The following NEUROD2 variants were observed in gnomAD, a reference collection of about 807,000 sequenced individuals.
NEUROD2 encodes neurogenic differentiation factor 2.
In NEUROD2, 5 loss-of-function variants were observed where a neutral mutation model predicts 9.3. That is an observed-to-expected ratio of 0.54 (90% confidence interval 0.28 to 1.13). NEUROD2 has a LOEUF of 1.13. NEUROD2 is among the 50% of genes most tolerant of loss of function. NEUROD2 has a pLI of 0.10. For missense variants in NEUROD2, 376 were observed against 549.2 expected (o/e 0.68, Z 3.15); for synonymous variants, 277 against 257.3 (o/e 1.08, Z -0.73).
chr17:39,606,468 G>A lies in NEUROD2; in HGVS notation c.132C>T (p.Pro44=), dbSNP rs776964598. 7 of 1,533,310 alleles carry A rather than the reference G, an allele frequency of 4.6e-6. No homozygotes were observed. The highest frequency in any genetic ancestry group is 1.2e-5 in the South Asian group (1 of 83,458). The allele number at this position is 1,533,310 out of a possible 1,614,324, so 95.0% of individuals were successfully genotyped here. Residue 44 remains proline, a synonymous_variant, in exon 2 of 2, where the codon CCC becomes CCT. Transcript: ENST00000302584. This position sits in a 1 kb window ranked among gnomAD's most constrained non-coding sequence, Gnocchi z 7.8. ...GDAPPPPPPA[P]GPGAPGPARA... The stretch of plus-strand genomic sequence containing the variant: ...GGGCTGGCCCCGGAGCCCCTGGCCC[G>A]GGCGCAGGCGGTGGCGGTGGCGGCG...
chr17:39,605,447 A>C lies in NEUROD2; in HGVS notation c.*4T>G, dbSNP rs763861049. On this transcript the variant is annotated 3_prime_UTR_variant, in exon 2 of 2. Transcript: ENST00000302584. This position sits in a 1 kb window ranked among gnomAD's most constrained non-coding sequence, Gnocchi z 6.8. ...AAGAAAAAGAAGGGAGCCGGCGCGAAGTCTCAGTTATGAAAAAACGCATTG... is the reference window on the plus strand; with the variant it reads ...AAGAAAAAGAAGGGAGCCGGCGCGACGTCTCAGTTATGAAAAAACGCATTG... 12 of 1,565,410 alleles carry C rather than the reference A, an allele frequency of 7.7e-6. No individual in the cohort carries two copies. The East Asian group carries it at 2.8e-4, about 37-fold the overall frequency.
Position 39,606,596 on chromosome 17 carries a change from G to A in NEUROD2, c.4C>T (p.Leu2=). The A allele has an allele frequency of 6.4e-7, 1 of 1,566,062 alleles. No homozygotes were observed. The stretch of plus-strand genomic sequence containing the variant: ...CCGGGCTCGCTGAACAGGCGGGTCA[G>A]CATGGTGCCTGAGGGCGCCCCGCGG... M[L]TRLFSEPGLL... is the part of the protein sequence containing the mutation. Residue 2 remains leucine (L), a synonymous_variant, in exon 2 of 2, where the codon CTG becomes TTG. Transcript: ENST00000302584. This position sits in a 1 kb window ranked among gnomAD's most constrained non-coding sequence, Gnocchi z 7.8.
rs1428384239 is a variant in NEUROD2, at chr17:39,606,357, T to TC, written c.242dup (p.Glu82ArgfsTer301). On this transcript the variant is annotated frameshift_variant, in exon 2 of 2. Coordinates refer to ENST00000302584, the MANE Select transcript of NEUROD2 (RefSeq NM_006160.4). LOFTEE classifies it high-confidence loss of function. The surrounding 1 kb of genome is among the most constrained non-coding windows in gnomAD (Gnocchi z 7.8). ...CCTCCTCCTCTTCCTCCTCCTCCTC[T>TC]CCCCCCAGCTCGCCTTCCTCCTTGA... 6.4e-7 allele frequency: 1 copy of TC among 1,570,046 alleles called. No homozygotes were observed.
intron 1 of NEUROD2, chr17:39,607,514 C>T (rs2056774421): frequency 1.7e-5 from 12 of 705,988 alleles, no homozygotes; most frequent in African/African-American, 1.9e-5. Flanking sequence ...TGCCTTCCCC[C>T]CCCACCGAGC....
Position 39,604,845 on chromosome 17 carries a change from A to T in NEUROD2, c.*606T>A, listed in dbSNP as rs2056760530. 7.8e-6 allele frequency: 1 copy of T among 128,470 alleles called. No homozygotes were observed. Among genetic ancestry groups the T allele is most frequent in the Admixed American group, 9.7e-5 (1 of 10,350 alleles). 8.0% of individuals were successfully genotyped at this position (128,470 alleles called of 1,614,324 possible). A position where few individuals can be genotyped will look rare whatever the true frequency, so the allele number is the denominator to read the frequency against. On this transcript the variant is annotated 3_prime_UTR_variant, in exon 2 of 2. Coordinates refer to ENST00000302584, the MANE Select transcript of NEUROD2 (RefSeq NM_006160.4). ...GAAAAGGGAAAAACGGATTCTAGTTACAAATTGTCTTGGCCTCTCTCTTTC... is the reference window on the plus strand; with the variant it reads ...GAAAAGGGAAAAACGGATTCTAGTTTCAAATTGTCTTGGCCTCTCTCTTTC...
rs2056771499 is a variant in NEUROD2, at chr17:39,606,890, G to C, written c.-5-286C>G. 1 of 406,756 alleles carries C rather than the reference G, an allele frequency of 2.5e-6. No homozygotes were observed. Among genetic ancestry groups the C allele is most frequent in the Non-Finnish European group, 4.4e-6 (1 of 229,722 alleles). 25.2% of individuals were successfully genotyped at this position (406,756 alleles called of 1,614,324 possible). ...GCTCCCCGCGCCTGCTTCTTCTCAG[G>C]GTCAGGGCAGGGACCGGGTGGGGGT... On this transcript the variant is annotated intron_variant, in intron 1 of 1. Coordinates refer to ENST00000302584, the MANE Select transcript of NEUROD2 (RefSeq NM_006160.4). This position sits in a 1 kb window ranked among gnomAD's most constrained non-coding sequence, Gnocchi z 7.8.
Position 39,606,617 on chromosome 17 carries a change from C to T in NEUROD2, c.-5-13G>A, listed in dbSNP as rs545873059. 6.5e-7 allele frequency: 1 copy of T among 1,533,146 alleles called. No homozygotes were observed. The highest frequency in any genetic ancestry group is 1.4e-5 in the African/African-American group (1 of 70,194). The allele number at this position is 1,533,146 out of a possible 1,614,324, so 95.0% of individuals were successfully genotyped here. ...GTCAGCATGGTGCCTGAGGGCGCCC[C>T]GCGGGCGGGAAGGGGAGACAGACAG... is the stretch of plus-strand genomic sequence containing the variant. On this transcript the variant is annotated splice_polypyrimidine_tract_variant and intron_variant, in intron 1 of 1. Coordinates refer to ENST00000302584, the MANE Select transcript of NEUROD2 (RefSeq NM_006160.4). This position sits in a 1 kb window ranked among gnomAD's most constrained non-coding sequence, Gnocchi z 7.8.
chr17:39,605,694 C>A lies in NEUROD2; in HGVS notation c.906G>T (p.Pro302=). ...SSEYEGPLSP[P]LCLNGNFSLK... is the part of the protein sequence containing the mutation. ...GTGAGAAGTTGCCATTGAGACAGAGCGGGGGGCTGAGCGGGCCCTCGTACT... is the reference window on the plus strand; with the variant it reads ...GTGAGAAGTTGCCATTGAGACAGAGAGGGGGGCTGAGCGGGCCCTCGTACT... The change falls in exon 2 of 2, where the codon CCG becomes CCT. Residue 302 remains proline (P), a synonymous_variant. Transcript: ENST00000302584. The surrounding 1 kb of genome is among the most constrained non-coding windows in gnomAD (Gnocchi z 6.8). 1.2e-6 allele frequency: 2 copies of A among 1,606,632 alleles called. No homozygotes were observed. Among genetic ancestry groups the A allele is most frequent in the South Asian group, 1.1e-5 (1 of 89,972 alleles).
Position 39,605,419 on chromosome 17 carries a change from C to CAAAAGA in NEUROD2, c.*26_*31dup. 6.6e-7 allele frequency: 1 copy of CAAAAGA among 1,512,432 alleles called. No homozygotes were observed. Among genetic ancestry groups the CAAAAGA allele is most frequent in the East Asian group, 2.4e-5 (1 of 41,022 alleles). 93.7% of individuals were successfully genotyped at this position (1,512,432 alleles called of 1,614,324 possible). A position where few individuals can be genotyped will look rare whatever the true frequency, so the allele number is the denominator to read the frequency against. On this transcript the variant is annotated 3_prime_UTR_variant, in exon 2 of 2. Transcript: ENST00000302584. The surrounding 1 kb of genome is among the most constrained non-coding windows in gnomAD (Gnocchi z 6.8). The stretch of plus-strand genomic sequence containing the variant: ...CTGGGGACAGGGGGGCGGGCAAAGG[C>CAAAAGA]AAAAGAAAAAGAAGGGAGCCGGCGC...
rs764646721 is a variant in NEUROD2 at position 39,605,426 on chromosome 17, AAAAG to A, written c.*21_*24del. 1.3e-6 allele frequency: 2 copies of A among 1,527,294 alleles called. No homozygotes were observed. Among genetic ancestry groups the A allele is most frequent in the East Asian group, 2.4e-5 (1 of 41,542 alleles). 94.6% of individuals were successfully genotyped at this position (1,527,294 alleles called of 1,614,324 possible). A position where few individuals can be genotyped will look rare whatever the true frequency, so the allele number is the denominator to read the frequency against. On this transcript the variant is annotated 3_prime_UTR_variant, in exon 2 of 2. Transcript: ENST00000302584. This position sits in a 1 kb window ranked among gnomAD's most constrained non-coding sequence, Gnocchi z 6.8. The stretch of plus-strand genomic sequence containing the variant: ...CAGGGGGGCGGGCAAAGGCAAAAGA[AAAAG>A]AAGGGAGCCGGCGCGAAGTCTCAGT...
chr17:39,605,263 G>A lies in NEUROD2; in HGVS notation c.*188C>T. ...GAGAGAGAAGGCGAGTCCCCTGGGGGAAGCGAGGCCCCTGGGACAGGCCAC... is the reference window on the plus strand; with the variant it reads ...GAGAGAGAAGGCGAGTCCCCTGGGGAAAGCGAGGCCCCTGGGACAGGCCAC... On this transcript the variant is annotated 3_prime_UTR_variant, in exon 2 of 2. Coordinates refer to ENST00000302584, the MANE Select transcript of NEUROD2 (RefSeq NM_006160.4). The surrounding 1 kb of genome is among the most constrained non-coding windows in gnomAD (Gnocchi z 6.8). 3.0e-6 allele frequency: 2 copies of A among 656,788 alleles called. No homozygotes were observed. Among genetic ancestry groups the A allele is most frequent in the Non-Finnish European group, 4.9e-6 (2 of 408,608 alleles). 40.7% of individuals were successfully genotyped at this position (656,788 alleles called of 1,614,324 possible). A position where few individuals can be genotyped will look rare whatever the true frequency, so the allele number is the denominator to read the frequency against.
At position 39,604,346 on chromosome 17, in the gene NEUROD2, G is replaced by A. The variant is rs182956042; in HGVS notation, c.*1105C>T. 2.0e-5 allele frequency: 3 copies of A among 152,686 alleles called. No homozygotes were observed. The highest frequency in any genetic ancestry group is 7.2e-5 in the African/African-American group (3 of 41,424). The allele number at this position is 152,686 out of a possible 1,614,324, so 9.5% of individuals were successfully genotyped here. ...CCCCAAACCGACCCCCCAACAGTTT[G>A]CCATTCCATACAAATTTGGAAACAG... On this transcript the variant is annotated 3_prime_UTR_variant, in exon 2 of 2. Coordinates refer to ENST00000302584, the MANE Select transcript of NEUROD2 (RefSeq NM_006160.4).
In NEUROD2 at chr17:39,605,491, C is replaced by A. The variant is rs779298309; in HGVS notation, c.1109G>T (p.Gly370Val). 3.7e-6 allele frequency: 6 copies of A among 1,607,838 alleles called. No homozygotes were observed. The highest frequency in any genetic ancestry group is 5.1e-6 in the Non-Finnish European group (6 of 1,176,678). The stretch of plus-strand genomic sequence containing the variant: ...CGCATTGAGCTCCTCGTACATGGGG[C>A]CCCGGTCGTGGTGAAGGTGCATATC... ...SYDMHLHHDRGPMYEELNAFF... is the reference protein window; with the variant it reads ...SYDMHLHHDRVPMYEELNAFF... The change falls in exon 2 of 2, where the codon GGC (glycine) becomes GTC (valine). Residue 370 changes from glycine to valine, a missense_variant. By Grantham distance (109) the Gly-to-Val change is moderately radical. This residue lies in a region of NEUROD2 where 193 missense variants were observed against 255.8 expected (regional missense o/e 0.75). Coordinates refer to ENST00000302584, the MANE Select transcript of NEUROD2 (RefSeq NM_006160.4). The surrounding 1 kb of genome is among the most constrained non-coding windows in gnomAD (Gnocchi z 6.8).
Position 39,605,898 on chromosome 17 carries a change from G to C in NEUROD2, c.702C>G (p.Phe234Leu). 5 of 1,604,592 alleles carry C rather than the reference G, an allele frequency of 3.1e-6. No individual in the cohort carries two copies. Among genetic ancestry groups the C allele is most frequent in the Non-Finnish European group, 4.2e-6 (5 of 1,177,016 alleles). The change falls in exon 2 of 2, where the codon TTC (phenylalanine) becomes TTG (leucine). Residue 234 changes from phenylalanine to leucine, a missense_variant. Coordinates refer to ENST00000302584, the MANE Select transcript of NEUROD2 (RefSeq NM_006160.4). The surrounding 1 kb of genome is among the most constrained non-coding windows in gnomAD (Gnocchi z 6.8). ...ACGGGTACGGGTAGGGGTGCATGGC[G>C]AACGGGCCGCCCGAGCCGTGGAAGC... ...AGRFHGSGGP[F>L]AMHPYPYPCS...
In NEUROD2 at chr17:39,605,676, G is replaced by A. The variant is rs2056764807; in HGVS notation, c.924C>T (p.Asn308=). The A allele has an allele frequency of 6.2e-7, 1 of 1,611,824 alleles. No homozygotes were observed. ...GCGAGGAGTCCTGCTTGAGTGAGAA[G>A]TTGCCATTGAGACAGAGCGGGGGGC... ...PLSPPLCLNG[N]FSLKQDSSPD... Residue 308 remains asparagine (N), a synonymous_variant, in exon 2 of 2, where the codon AAC becomes AAT. Coordinates refer to ENST00000302584, the MANE Select transcript of NEUROD2 (RefSeq NM_006160.4). The surrounding 1 kb of genome is among the most constrained non-coding windows in gnomAD (Gnocchi z 6.8).
In NEUROD2 at chr17:39,605,915, C is replaced by A; in HGVS notation, c.685G>T (p.Gly229Cys). The A allele has an allele frequency of 6.2e-7, 1 of 1,609,066 alleles. No homozygotes were observed. Among genetic ancestry groups the A allele is most frequent in the Non-Finnish European group, 8.5e-7 (1 of 1,178,486 alleles). Residue 229 changes from glycine (G) to cysteine (C), a missense_variant, in exon 2 of 2, where the codon GGC becomes TGC. By Grantham distance (159) the Gly-to-Cys change is radical. Transcript: ENST00000302584. The surrounding 1 kb of genome is among the most constrained non-coding windows in gnomAD (Gnocchi z 6.8). ...TGCATGGCGAACGGGCCGCCCGAGCCGTGGAAGCGGCCGGCACCGTCGGCG... is the reference window on the plus strand; with the variant it reads ...TGCATGGCGAACGGGCCGCCCGAGCAGTGGAAGCGGCCGGCACCGTCGGCG... ...QGADGAGRFH[G>C]SGGPFAMHPY...
chr17:39,606,472 G>A lies in NEUROD2; in HGVS notation c.128C>T (p.Ala43Val), dbSNP rs145445629. The change falls in exon 2 of 2, where the codon GCG (alanine) becomes GTG (valine). Residue 43 changes from alanine to valine, a missense_variant. Ala to Val is a moderately conservative substitution (Grantham distance 64, BLOSUM62 0). Coordinates refer to ENST00000302584, the MANE Select transcript of NEUROD2 (RefSeq NM_006160.4). This position sits in a 1 kb window ranked among gnomAD's most constrained non-coding sequence, Gnocchi z 7.8. ...TGGCCCCGGAGCCCCTGGCCCGGGCGCAGGCGGTGGCGGTGGCGGCGCGTC... is the reference window on the plus strand; with the variant it reads ...TGGCCCCGGAGCCCCTGGCCCGGGCACAGGCGGTGGCGGTGGCGGCGCGTC... ...KGDAPPPPPP[A>V]PGPGAPGPAR... 116 of 1,534,156 alleles carry A rather than the reference G, an allele frequency of 7.6e-5. No homozygotes were observed. The East Asian group carries it at 2.6e-3, about 34-fold the overall frequency.
rs1437707880 is a variant in NEUROD2, at chr17:39,606,042, C to T, written c.558G>A (p.Val186=). 2 of 1,613,990 alleles carry T rather than the reference C, an allele frequency of 1.2e-6. No individual in the cohort carries two copies. Among genetic ancestry groups the T allele is most frequent in the East Asian group, 2.2e-5 (1 of 44,874 alleles). The change falls in exon 2 of 2, where the codon GTG becomes GTA. Residue 186 remains valine, a synonymous_variant. Coordinates refer to ENST00000302584, the MANE Select transcript of NEUROD2 (RefSeq NM_006160.4). This position sits in a 1 kb window ranked among gnomAD's most constrained non-coding sequence, Gnocchi z 7.8. ...CCTTGCACAGAGTCTGCACGTAGGACACTAGGTCTGGCCGCTTGCCGGAGC... is the reference window on the plus strand; with the variant it reads ...CCTTGCACAGAGTCTGCACGTAGGATACTAGGTCTGGCCGCTTGCCGGAGC... ...ILRSGKRPDL[V]SYVQTLCKGL... is the part of the protein sequence containing the mutation.
At chr17:39,607,286 C>G (rs948265148) in intron 1 of NEUROD2, 1 of 152,416 alleles carries the variant, frequency 6.6e-6, no homozygotes, top group Non-Finnish European at 1.5e-5. Flanking sequence ...GAGCCCAGTC[C>G]GTCCCCTCTG....
Sources: gnomAD v4.1 joint callset for allele counts on GRCh38, gnomAD v4.1.1 for gene constraint, gnomAD v4.1.1 regional missense constraint, Gnocchi (gnomAD v3.1) non-coding constraint, MANE v1.5 for transcripts, NCBI Gene and HGNC (gene_info 2026-07-23, HGNC 2026-07-21) for gene names.